ANKS1B: variants seen among roughly 807,000 people sequenced by gnomAD.
ANKS1B encodes ankyrin repeat and sterile alpha motif domain-containing protein 1B.
In ANKS1B, 36 loss-of-function variants were observed where a neutral mutation model predicts 148.3. The observed-to-expected ratio is 0.24, with a 90% CI of 0.19 to 0.32. ANKS1B has a LOEUF of 0.32. ANKS1B is among the 10% of genes least tolerant of loss of function. The pLI, the probability that ANKS1B is intolerant of heterozygous loss-of-function variation, is 1.00. For missense variants in ANKS1B, 1,157 were observed against 1,542.6 expected (o/e 0.75, Z 4.19); for synonymous variants, 542 against 560.8 (o/e 0.97, Z 0.47).
At chr12:99,227,740 C>T (rs2086177666) in intron 14 of ANKS1B, among the ~76,000 whole-genome samples, 1 of 152,084 alleles carries the variant, frequency 6.6e-6, no homozygotes, top group Admixed American at 6.6e-5. Flanking sequence ...CTCTTCTTAC[C>T]ATTTGTATCA....
At chr12:99,895,223 G>A (rs1463033354) in intron 1 of ANKS1B, among the ~76,000 whole-genome samples, 4 of 150,444 alleles carry the variant, frequency 2.7e-5, no homozygotes, top group Non-Finnish European at 6.0e-5. Context: ...AACAAAAAAT[G>A]ACCACCCAGA....
chr12:99,747,819 A>G (rs1165300595), intron 8 of ANKS1B, among the ~76,000 whole-genome samples: 1 of 152,150 alleles, frequency 6.6e-6, no homozygotes, highest in Non-Finnish European at 1.5e-5. Context: ...TATTAAACAC[A>G]TGTGAAAAAT....
intron 19 of ANKS1B, among the ~76,000 whole-genome samples, chr12:98,826,380 A>G (rs983965883): frequency 6.6e-6 from 1 of 152,162 alleles, no homozygotes; most frequent in African/African-American, 2.4e-5. Flanking sequence ...TTAACAGGTA[A>G]AATGGACATT....
chr12:99,206,031 T>G lies in ANKS1B; in HGVS notation c.2419+38311A>C, dbSNP rs550244957. On this transcript the variant is annotated intron_variant, in intron 14 of 26. Transcript: ENST00000683438. ...GGGCATGATTTGGGCACTTGAGAGCTATTAGAGCAACCCACCACCAAAAGA... is the reference window on the plus strand; with the variant it reads ...GGGCATGATTTGGGCACTTGAGAGCGATTAGAGCAACCCACCACCAAAAGA... Among the ~76,000 whole-genome samples, 9 of 152,286 alleles carry G rather than the reference T, an allele frequency of 5.9e-5. No homozygotes were observed. In the South Asian group the frequency reaches 1.5e-3, roughly 25 times the overall value.
intron 9 of ANKS1B, among the ~76,000 whole-genome samples, chr12:99,550,028 G>T (rs1233078741): frequency 6.6e-6 from 1 of 152,192 alleles, no homozygotes; most frequent in East Asian, 1.9e-4. Context: ...ATCCCCTTCT[G>T]CAGGTCTTTT....
At chr12:99,400,298 G>A (rs557078548) in intron 11 of ANKS1B, among the ~76,000 whole-genome samples, 1 of 145,756 alleles carries the variant, frequency 6.9e-6, no homozygotes, top group African/African-American at 2.6e-5. Flanking sequence ...TTGTTCCCAA[G>A]TACAAGATGC....
intron 8 of ANKS1B, among the ~76,000 whole-genome samples, chr12:99,765,834 T>C (rs2062591133): frequency 6.6e-6 from 1 of 152,202 alleles, no homozygotes; most frequent in Admixed American, 6.5e-5. Context: ...ATAGCTCTTT[T>C]CTATGGCTGA....
At chr12:99,203,229 G>A (rs1169808641) in intron 14 of ANKS1B, among the ~76,000 whole-genome samples, 2 of 152,086 alleles carry the variant, frequency 1.3e-5, no homozygotes, top group Non-Finnish European at 2.9e-5. Flanking sequence ...CCTTACCAAG[G>A]GGCCATGATC....
intron 10 of ANKS1B, among the ~76,000 whole-genome samples, chr12:99,466,294 T>C (rs1381031565): frequency 6.6e-6 from 1 of 152,104 alleles, no homozygotes; most frequent in African/African-American, 2.4e-5. Context: ...AAGCAGTGTG[T>C]AGAGGGAAAT....
At chr12:99,652,697 A>G (rs1342526486) in intron 9 of ANKS1B, among the ~76,000 whole-genome samples, 1 of 152,188 alleles carries the variant, frequency 6.6e-6, no homozygotes, top group Non-Finnish European at 1.5e-5. Flanking sequence ...GTCAGCTGCT[A>G]GTTTTAATTT....
chr12:98,944,897 A>G (rs1418021844), intron 17 of ANKS1B, among the ~76,000 whole-genome samples: 1 of 152,228 alleles, frequency 6.6e-6, no homozygotes, highest in Non-Finnish European at 1.5e-5. Context: ...TAATCTGCTT[A>G]CTGTTTGCCT....
intron 8 of ANKS1B, among the ~76,000 whole-genome samples, chr12:99,729,305 C>T (rs1374976536): frequency 6.6e-6 from 1 of 152,154 alleles, no homozygotes; most frequent in African/African-American, 2.4e-5. Context: ...AAGAAGTCCA[C>T]CATCACCCTC....
At chr12:99,725,448 A>G (rs1286900543) in intron 8 of ANKS1B, among the ~76,000 whole-genome samples, 2 of 152,256 alleles carry the variant, frequency 1.3e-5, no homozygotes, top group East Asian at 3.8e-4. Context: ...CAACAAGAAG[A>G]GCTAACTATC....
intron 11 of ANKS1B, among the ~76,000 whole-genome samples, chr12:99,437,997 A>G (rs1302601832): frequency 6.6e-6 from 1 of 151,972 alleles, no homozygotes; most frequent in Non-Finnish European, 1.5e-5. Flanking sequence ...AAATAAAGTG[A>G]CATTTTGGTC....
At chr12:99,804,116 T>C (rs1602497525) in intron 4 of ANKS1B, among the ~76,000 whole-genome samples, 1 of 152,200 alleles carries the variant, frequency 6.6e-6, no homozygotes, top group South Asian at 2.1e-4. Context: ...TGGTCAGGGA[T>C]ACCAAGAAGC....
At chr12:99,069,838 C>T (rs2045714421) in intron 16 of ANKS1B, among the ~76,000 whole-genome samples, 1 of 152,060 alleles carries the variant, frequency 6.6e-6, no homozygotes, top group African/African-American at 2.4e-5. Context: ...ATGGGTGATT[C>T]CACAGAGTAC....
chr12:99,857,329 C>A (rs532718728), intron 1 of ANKS1B, among the ~76,000 whole-genome samples: 82 of 152,004 alleles, frequency 5.4e-4, no homozygotes, highest in Middle Eastern at 3.4e-3. Context: ...TATATCTAAC[C>A]AAGGAGGTGA....
At chr12:98,976,178 C>T (rs1466736081) in intron 17 of ANKS1B, among the ~76,000 whole-genome samples, 1 of 152,060 alleles carries the variant, frequency 6.6e-6, no homozygotes, top group African/African-American at 2.4e-5. Flanking sequence ...CACTATTGGC[C>T]GGTGTTTAGT....
At chr12:99,018,271 G>A (rs1033140136) in intron 17 of ANKS1B, among the ~76,000 whole-genome samples, 16 of 152,200 alleles carry the variant, frequency 1.1e-4, no homozygotes, top group Non-Finnish European at 1.6e-4. Flanking sequence ...AGAGGCCCAA[G>A]GGAGCTTGTT....
Sources: gnomAD v4.1 joint callset for allele counts (sites outside exome capture counted in the v4.1 genomes callset) on GRCh38, gnomAD v4.1.1 for gene constraint, MANE v1.5 for transcripts, NCBI Gene and HGNC (gene_info 2026-07-23, HGNC 2026-07-21) for gene names.